MED25: variants seen among roughly 807,000 people sequenced by gnomAD.
The protein encoded by MED25 is mediator of RNA polymerase II transcription subunit 25.
Under a neutral mutation model 89.4 loss-of-function variants are expected in MED25, and 62 were observed. That is an observed-to-expected ratio of 0.69 (90% confidence interval 0.57 to 0.86). The LOEUF (loss-of-function observed/expected upper bound fraction) is 0.86, where lower values mean the gene tolerates loss of function less well. MED25 is among the 40% of genes least tolerant of loss of function. The pLI is 0.00. For missense variants in MED25, 905 were observed against 1,005.2 expected, an observed-to-expected ratio of 0.90 and a Z score of 1.35; for synonymous variants, 449 against 427.9, an observed-to-expected ratio of 1.05 and a Z score of -0.61.
chr19:49,827,160 C>G (rs978807571), intron 3 of MED25, among the ~76,000 whole-genome samples: 5 of 152,140 alleles, frequency 3.3e-5, no homozygotes, highest in Non-Finnish European at 7.3e-5. Context: ...CCACACACGT[C>G]CCCTGCAGCA....
At chr19:49,832,850 C>T (rs1050986875) in intron 13 of MED25, 6 of 276,458 alleles carry the variant, frequency 2.2e-5, no homozygotes, top group African/African-American at 8.8e-5. Flanking sequence ...AAGGCCTCTT[C>T]GTTGCCTCTT....
rs1228249628 is a variant in MED25, at chr19:49,819,193, C to G, written c.202C>G (p.Leu68Val). ...GGDYGGTQYS[L>V]VVFNTVDCAP... ...CCAGTATGGGGGGACCCAGTACAGC[C>G]TCGTGGTGTTCAACACAGTGGACTG... The change falls in exon 3 of 18, where the codon CTC becomes GTC. Residue 68 changes from leucine (L) to valine (V), a missense_variant. Physicochemically the swap from Leu to Val is conservative, Grantham distance 32. This residue lies in a region of MED25 where 501 missense variants were observed against 526.9 expected (regional missense o/e 0.95). Coordinates refer to ENST00000312865, the MANE Select transcript of MED25 (RefSeq NM_030973.4). The G allele has an allele frequency of 6.2e-7, 1 of 1,614,214 alleles. No homozygotes were observed. Among genetic ancestry groups the G allele is most frequent in the Non-Finnish European group, 8.5e-7 (1 of 1,180,028 alleles).
intron 2 of MED25, 158 bp from the exon 3 acceptor site, chr19:49,819,014 G>A: frequency 1.1e-6 from 1 of 929,148 alleles, no homozygotes. Context: ...TGGGTCTGAG[G>A]GAGAAGGGGC....
downstream of MED25, among the ~76,000 whole-genome samples, chr19:49,837,599 G>A (rs567098176): frequency 6.6e-6 from 1 of 152,304 alleles, no homozygotes; most frequent in African/African-American, 2.4e-5. Flanking sequence ...AGGAGGCCAG[G>A]AAAGGTGAGG....
At position 49,830,837 on chromosome 19, in the gene MED25, G is replaced by T. The variant is rs1386804248; in HGVS notation, c.1051G>T (p.Ala351Ser). ...CCAGCCCAGTCTGGTCTCCACTGTGGCCCCTGGCTCCGGCCTGGCTCCCAC... is the reference window on the plus strand; with the variant it reads ...CCAGCCCAGTCTGGTCTCCACTGTGTCCCCTGGCTCCGGCCTGGCTCCCAC... Reference protein sequence around the residue: ...ASQPSLVSTVAPGSGLAPTAQ... With the variant: ...ASQPSLVSTVSPGSGLAPTAQ... Residue 351 changes from alanine (A) to serine (S), a missense_variant, in exon 9 of 18, where the codon GCC becomes TCC. Ala to Ser is a moderately conservative substitution (Grantham distance 99). Coordinates refer to ENST00000312865, the MANE Select transcript of MED25 (RefSeq NM_030973.4). The surrounding 1 kb of genome is among the most constrained non-coding windows in gnomAD (Gnocchi z 4.6). 2.5e-6 allele frequency: 4 copies of T among 1,612,896 alleles called. No homozygotes were observed. In the South Asian group the frequency reaches 4.4e-5, roughly 18 times the overall value.
At chr19:49,826,523 C>A (rs1373055763) in intron 3 of MED25, among the ~76,000 whole-genome samples, 3 of 152,134 alleles carry the variant, frequency 2.0e-5, no homozygotes, top group Non-Finnish European at 2.9e-5. Context: ...CGGAGAGCCC[C>A]GCTGCATGGC....
downstream of MED25, chr19:49,838,394 G>A (rs2074114239): frequency 2.8e-6 from 1 of 359,014 alleles, no homozygotes; most frequent in Non-Finnish European, 5.5e-6. Context: ...TGGCAACAAT[G>A]GGCTGGAGCT....
At chr19:49,826,994 T>C (rs994811764) in intron 3 of MED25, among the ~76,000 whole-genome samples, 1 of 152,076 alleles carries the variant, frequency 6.6e-6, no homozygotes, top group Admixed American at 6.5e-5. Flanking sequence ...TCACTTAGCC[T>C]ACATTTCCTG....
chr19:49,826,444 G>A (rs1386441766), intron 3 of MED25, among the ~76,000 whole-genome samples: 1 of 152,178 alleles, frequency 6.6e-6, no homozygotes, highest in Non-Finnish European at 1.5e-5. Context: ...AGGCTCAGGG[G>A]CTCAGTGTGC....
chr19:49,827,552 C>G (rs1258358664), intron 3 of MED25, among the ~76,000 whole-genome samples: 1 of 152,106 alleles, frequency 6.6e-6, no homozygotes, highest in Non-Finnish European at 1.5e-5. Flanking sequence ...TGTCTTCCCT[C>G]TGTGTGTGTG....
At position 49,819,313 on chromosome 19, in the gene MED25, T is replaced by G. The variant is rs763308680; in HGVS notation, c.305+17T>G. 139 of 1,347,610 alleles carry G rather than the reference T, an allele frequency of 1.0e-4. No homozygotes were observed. Among genetic ancestry groups the G allele is most frequent in the Non-Finnish European group, 1.2e-4 (129 of 1,032,726 alleles). The allele number at this position is 1,347,610 out of a possible 1,614,324, so 83.5% of individuals were successfully genotyped here. ...TGGCATTAAGTGAGCTTTCCCCCAC[T>G]TGGGGTGGGTTGCTGGTCCCTGTGA... is the stretch of plus-strand genomic sequence containing the variant. On this transcript the variant is annotated intron_variant, in intron 3 of 17. Transcript: ENST00000312865.
At position 49,825,857 on chromosome 19, in the gene MED25, G is replaced by A. The variant is rs528089746; in HGVS notation, c.306-2592G>A. 2.6e-5 allele frequency among the ~76,000 whole-genome samples: 4 copies of A among 151,922 alleles called. No homozygotes were observed. The East Asian group carries it at 7.8e-4, about 30-fold the overall frequency. On this transcript the variant is annotated intron_variant, in intron 3 of 17. Coordinates refer to ENST00000312865, the MANE Select transcript of MED25 (RefSeq NM_030973.4). ...AAAAAAAAAAATTTATCACCCCAAA[G>A]AGGACACCCCATATGCATGAAGCAC...
intron 11 of MED25, 25 bp from the exon 12 acceptor site, chr19:49,832,073 TCA>T (rs759416367): frequency 1.5e-4 from 240 of 1,613,700 alleles, no homozygotes; most frequent in Non-Finnish European, 1.9e-4. Context: ...GGCCCCCTCC[TCA>T]CACCTCTCCT....
chr19:49,830,031 C>T lies in MED25; in HGVS notation c.689-57C>T. On this transcript the variant is annotated intron_variant, in intron 6 of 17. Transcript: ENST00000312865. This position sits in a 1 kb window ranked among gnomAD's most constrained non-coding sequence, Gnocchi z 4.6. Reference sequence around the variant, plus strand: ...CTGACTTGGATTTTGGATTTCTCTCCTTTCTCTGCATCTTGAATCCCTTCT... The same window carrying T: ...CTGACTTGGATTTTGGATTTCTCTCTTTTCTCTGCATCTTGAATCCCTTCT... The T allele has an allele frequency of 1.3e-6, 2 of 1,597,594 alleles. No homozygotes were observed. The highest frequency in any genetic ancestry group is 2.2e-5 in the South Asian group (2 of 90,320).
Position 49,830,052 on chromosome 19 carries a change from C to T in MED25, c.689-36C>T, listed in dbSNP as rs938319497. ...TCTCCTTTCTCTGCATCTTGAATCC[C>T]TTCTCTCTGGGGTTGGCCATCCCTC... is the stretch of plus-strand genomic sequence containing the variant. On this transcript the variant is annotated intron_variant, in intron 6 of 17. Transcript: ENST00000312865. The surrounding 1 kb of genome is among the most constrained non-coding windows in gnomAD (Gnocchi z 4.6). The T allele has an allele frequency of 6.3e-7, 1 of 1,599,760 alleles. No homozygotes were observed. The highest frequency in any genetic ancestry group is 8.5e-7 in the Non-Finnish European group (1 of 1,172,668).
At position 49,828,659 on chromosome 19, in the gene MED25, T is replaced by C. The variant is rs533125477; in HGVS notation, c.404+112T>C. 7 of 1,004,074 alleles carry C rather than the reference T, an allele frequency of 7.0e-6. No homozygotes were observed. The Admixed American group carries it at 9.3e-5, about 13-fold the overall frequency. 62.2% of individuals were successfully genotyped at this position (1,004,074 alleles called of 1,614,324 possible). A position where few individuals can be genotyped will look rare whatever the true frequency, so the allele number is the denominator to read the frequency against. ...CTCACCCTGTAGGGCATGGGCTCTG[T>C]GTCCCCAAGCACGCTGAGCCAGGAG... On this transcript the variant is annotated intron_variant, in intron 4 of 17. Coordinates refer to ENST00000312865, the MANE Select transcript of MED25 (RefSeq NM_030973.4).
chr19:49,836,297 G>T lies in MED25; in HGVS notation c.2037G>T (p.Leu679=). ...HLQPPGAPAL[L]PPPHQGLGQP... is the part of the protein sequence containing the mutation. The stretch of plus-strand genomic sequence containing the variant: ...AGCCACCAGGGGCTCCTGCGCTGCT[G>T]CCTCCGCCGCACCAGGGCCTGGGGC... The change falls in exon 17 of 18, where the codon CTG becomes CTT. Residue 679 remains leucine (L), a synonymous_variant. Transcript: ENST00000312865. This position sits in a 1 kb window ranked among gnomAD's most constrained non-coding sequence, Gnocchi z 5.1. 6.2e-7 allele frequency: 1 copy of T among 1,611,620 alleles called. No individual in the cohort carries two copies. The highest frequency in any genetic ancestry group is 8.5e-7 in the Non-Finnish European group (1 of 1,179,448).
In MED25 at chr19:49,830,780, C is replaced by G; in HGVS notation, c.994C>G (p.Pro332Ala). 6.2e-7 allele frequency: 1 copy of G among 1,611,916 alleles called. No homozygotes were observed. The highest frequency in any genetic ancestry group is 8.5e-7 in the Non-Finnish European group (1 of 1,178,432). Residue 332 changes from proline to alanine, a missense_variant, in exon 9 of 18, where the codon CCC becomes GCC. Physicochemically the swap from Pro to Ala is conservative, Grantham distance 27. Coordinates refer to ENST00000312865, the MANE Select transcript of MED25 (RefSeq NM_030973.4). This position sits in a 1 kb window ranked among gnomAD's most constrained non-coding sequence, Gnocchi z 4.6. The part of the protein sequence containing the change: ...QAPAPQLPPG[P>A]PGAPKPPPAS... Reference sequence around the variant, plus strand: ...CCCAGCTCCCCAACTACCCCCAGGACCCCCTGGCGCCCCCAAGCCACCACC... The same window carrying G: ...CCCAGCTCCCCAACTACCCCCAGGAGCCCCTGGCGCCCCCAAGCCACCACC...
chr19:49,832,564 C>T (rs2074066218), intron 13 of MED25, 149 bp downstream of exon 13: 3 of 670,756 alleles, frequency 4.5e-6, no homozygotes, highest in Non-Finnish European at 8.1e-6. Flanking sequence ...CGCCTTTCTT[C>T]TAGAGCCGTG....
Sources: gnomAD v4.1 joint callset for allele counts (sites outside exome capture counted in the v4.1 genomes callset) on GRCh38, gnomAD v4.1.1 for gene constraint, gnomAD v4.1.1 regional missense constraint, Gnocchi (gnomAD v3.1) non-coding constraint, MANE v1.5 for transcripts, NCBI Gene and HGNC (gene_info 2026-07-23, HGNC 2026-07-21) for gene names.